The following ZNF83 variants were observed in gnomAD, a reference collection of about 807,000 sequenced individuals.
ZNF83 encodes the protein zinc finger protein 816B.
For missense variants in ZNF83, 552 were observed against 629.9 expected (o/e 0.88, Z 1.32); for synonymous variants, 209 against 213.0 (o/e 0.98, Z 0.17).
intron 1 of ZNF83, among the ~76,000 whole-genome samples, chr19:52,682,856 G>A (rs904139596): frequency 2.6e-5 from 4 of 152,010 alleles, no homozygotes; most frequent in Non-Finnish European, 4.4e-5. Context: ...GCCACAGAGC[G>A]ACACCTTCTC....
At chr19:52,646,516 T>A (rs1262680541) in intron 3 of ZNF83, among the ~76,000 whole-genome samples, 1 of 152,166 alleles carries the variant, frequency 6.6e-6, no homozygotes. Flanking sequence ...TCCATGGCAC[T>A]CCATCCTGGG....
At chr19:52,632,169 C>T (rs2060994270) in intron 2 of ZNF83, among the ~76,000 whole-genome samples, 1 of 152,210 alleles carries the variant, frequency 6.6e-6, no homozygotes, top group Non-Finnish European at 1.5e-5. Context: ...TCTATACAGT[C>T]TGACAGCAGA....
intron 1 of ZNF83, among the ~76,000 whole-genome samples, chr19:52,663,627 C>A (rs1010849115): frequency 6.6e-6 from 1 of 152,172 alleles, no homozygotes; most frequent in African/African-American, 2.4e-5. Context: ...ATTGAGTACA[C>A]ATTGAAACAA....
chr19:52,669,759 G>A (rs2061698561), intron 1 of ZNF83, among the ~76,000 whole-genome samples: 1 of 152,156 alleles, frequency 6.6e-6, no homozygotes, highest in Admixed American at 6.5e-5. Flanking sequence ...CGTAATGGGT[G>A]TACTTATTCT....
At chr19:52,638,065 G>T (rs2061212371) in intron 1 of ZNF83, among the ~76,000 whole-genome samples, 2 of 152,208 alleles carry the variant, frequency 1.3e-5, no homozygotes, top group South Asian at 4.2e-4. Context: ...AAACAGTTTT[G>T]AGCAGGAAAA....
At chr19:52,624,276 T>TC (rs1358219114) in intron 2 of ZNF83, among the ~76,000 whole-genome samples, 21 of 152,206 alleles carry the variant, frequency 1.4e-4, no homozygotes, top group African/African-American at 3.9e-4. Flanking sequence ...CCAAAGGATA[T>TC]CAGGTATCCC....
intron 1 of ZNF83, among the ~76,000 whole-genome samples, chr19:52,681,720 A>G (rs2061924641): frequency 6.6e-6 from 1 of 152,258 alleles, no homozygotes; most frequent in Non-Finnish European, 1.5e-5. Context: ...ATACAGCTTC[A>G]AAACTAAACT....
chr19:52,620,929 A>G (rs551063745), intron 2 of ZNF83, among the ~76,000 whole-genome samples: 2 of 152,304 alleles, frequency 1.3e-5, no homozygotes, highest in South Asian at 4.1e-4. Context: ...TCTGCTGACA[A>G]TAGATAACCA....
chr19:52,614,997 C>T (rs1273349649), intron 2 of ZNF83, among the ~76,000 whole-genome samples, 200 bp from the exon 3 acceptor site: 19 of 152,230 alleles, frequency 1.2e-4, no homozygotes, highest in Admixed American at 1.2e-3. Flanking sequence ...GCACATAATT[C>T]AAACTAATTG....
At chr19:52,653,248 T>C in intron 3 of ZNF83, 1 of 1,526,982 alleles carries the variant, frequency 6.5e-7, no homozygotes, top group South Asian at 1.1e-5. Context: ...CTCTCCAGTA[T>C]GAAGCCTATA....
chr19:52,632,913 C>T (rs2061018938), intron 2 of ZNF83, among the ~76,000 whole-genome samples: 1 of 152,200 alleles, frequency 6.6e-6, no homozygotes, highest in African/African-American at 2.4e-5. Context: ...CCCACGCCAC[C>T]CCTAATCCCG....
chr19:52,645,010 T>TAAA (rs35106617), intron 3 of ZNF83, among the ~76,000 whole-genome samples: 5 of 111,148 alleles, frequency 4.5e-5, no homozygotes, highest in East Asian at 2.5e-4. Flanking sequence ...AACTCCATCT[T>TAAA]AAAAAAAAAA....
intron 1 of ZNF83, among the ~76,000 whole-genome samples, chr19:52,680,771 C>T (rs2061901448): frequency 6.9e-6 from 1 of 145,714 alleles, no homozygotes; most frequent in Non-Finnish European, 1.5e-5. Flanking sequence ...CGCCACTACG[C>T]CCGGCTAATT....
rs2061477585 is a variant in ZNF83, at chr19:52,654,124, C to T, written c.-74+1437G>A. The T allele has an allele frequency of 1.2e-5, 19 of 1,605,444 alleles. No homozygotes were observed. The South Asian group carries it at 1.9e-4, about 16-fold the overall frequency. On this transcript the variant is annotated intron_variant, in intron 3 of 5. Transcript: ENST00000594682. ...AGGCAGATGTGAATAAAAGCTTGAT[C>T]CAAGCTGATCTTTAATAGGCTTGTT...
At chr19:52,671,283 T>C (rs1355474918) in intron 1 of ZNF83, among the ~76,000 whole-genome samples, 1 of 152,008 alleles carries the variant, frequency 6.6e-6, no homozygotes, top group Non-Finnish European at 1.5e-5. Context: ...TCTCAAATAC[T>C]TTTTTTTACA....
At chr19:52,667,867 T>C (rs2061675444) in intron 1 of ZNF83, among the ~76,000 whole-genome samples, 3 of 152,194 alleles carry the variant, frequency 2.0e-5, no homozygotes, top group Admixed American at 2.0e-4. Context: ...AATAAAACAC[T>C]AATATAAAGG....
chr19:52,640,981 G>A (rs2061295833), upstream of ZNF83, among the ~76,000 whole-genome samples: 1 of 152,144 alleles, frequency 6.6e-6, no homozygotes, highest in African/African-American at 2.4e-5. Context: ...GCGGGCAAGA[G>A]GATGACAGCA....
At chr19:52,683,257 T>C (rs1030209600) in intron 1 of ZNF83, among the ~76,000 whole-genome samples, 5 of 146,036 alleles carry the variant, frequency 3.4e-5, no homozygotes, top group Non-Finnish European at 6.0e-5. Context: ...TGTGTGTGTG[T>C]GTGTGTGTGT....
rs563367939 is a variant in ZNF83, at chr19:52,627,115, C to T, written c.-234+7951G>A. Among the ~76,000 whole-genome samples the T allele has an allele frequency of 4.7e-4, 72 of 152,258 alleles. No homozygotes were observed. The South Asian group carries it at 0.012, about 26-fold the overall frequency. ...GATCTCCCCACAATGCACCTTGTGA[C>T]GCTCTCCTCTGCTGACAATAGATAA... On this transcript the variant is annotated intron_variant, in intron 2 of 2. Transcript: ENST00000301096.
Sources: allele counts gnomAD v4.1 joint callset (sites outside exome capture counted in the v4.1 genomes callset), GRCh38; gene constraint gnomAD v4.1.1; transcripts MANE v1.5; gene names NCBI Gene and HGNC (gene_info 2026-07-23, HGNC 2026-07-21).